Variants in XPOT observed in about 807,000 individuals in gnomAD.
XPOT encodes the protein exportin-T.
A neutral mutation model predicts 128.2 loss-of-function variants in XPOT; 34 were observed. That is an observed-to-expected ratio of 0.27 (90% CI 0.20 to 0.35). The LOEUF (loss-of-function observed/expected upper bound fraction) is 0.35. XPOT is among the 10% of genes least tolerant of loss of function. XPOT has a pLI of 1.00. For missense variants in XPOT, 838 were observed against 1,125.3 expected (o/e 0.74, Z 3.65); for synonymous variants, 348 against 394.3 (o/e 0.88, Z 1.39).
intron 10 of XPOT, 26 bp from the exon 11 acceptor site, chr12:64,423,154 ACT>A: frequency 6.3e-7 from 1 of 1,595,576 alleles, no homozygotes. Context: ...ACTGACAAAA[ACT>A]CTTTTATTCT....
intron 1 of XPOT, among the ~76,000 whole-genome samples, chr12:64,406,839 C>T (rs770112776): frequency 6.6e-6 from 1 of 152,062 alleles, no homozygotes; most frequent in Non-Finnish European, 1.5e-5. Context: ...GAACCAGTGC[C>T]TTTCTTTGTG....
chr12:64,439,829 A>G (rs886756014), intron 23 of XPOT, among the ~76,000 whole-genome samples: 1 of 152,226 alleles, frequency 6.6e-6, no homozygotes. Context: ...GTTTCTTGGC[A>G]TATAATTTTC....
chr12:64,440,876 A>G (rs528304021), intron 23 of XPOT, among the ~76,000 whole-genome samples: 2 of 152,284 alleles, frequency 1.3e-5, no homozygotes, highest in South Asian at 2.1e-4. Context: ...TGGTTTGCAA[A>G]TATTTTCTCC....
chr12:64,409,055 G>C (rs1405802964), intron 1 of XPOT, among the ~76,000 whole-genome samples: 4 of 151,424 alleles, frequency 2.6e-5, no homozygotes, highest in Non-Finnish European at 5.9e-5. Context: ...GCAGAGATCT[G>C]TAAAATGCAA....
chr12:64,429,034 AATG>A (rs2040215597), intron 16 of XPOT, among the ~76,000 whole-genome samples: 1 of 152,222 alleles, frequency 6.6e-6, no homozygotes, highest in Admixed American at 6.5e-5. Flanking sequence ...AAAAAACGGC[AATG>A]GGTCACTACA....
intron 15 of XPOT, among the ~76,000 whole-genome samples, chr12:64,426,814 C>A (rs2040196643): frequency 6.6e-6 from 1 of 152,114 alleles, no homozygotes; most frequent in Non-Finnish European, 1.5e-5. Flanking sequence ...GAAACCCGGT[C>A]TCTACTAAAA....
intron 6 of XPOT, among the ~76,000 whole-genome samples, chr12:64,419,436 G>C (rs572521509): frequency 6.6e-6 from 1 of 152,136 alleles, no homozygotes; most frequent in Admixed American, 6.5e-5. Context: ...TCCCACCTCA[G>C]CCTCCCTAGT....
At chr12:64,429,491 TGGA>T (rs1029903152) in intron 16 of XPOT, among the ~76,000 whole-genome samples, 3 of 151,876 alleles carry the variant, frequency 2.0e-5, no homozygotes, top group Non-Finnish European at 2.9e-5. Context: ...TCACCCAGGC[TGGA>T]GTGCAGTGGC....
At chr12:64,428,561 TA>T (rs911499263) in intron 16 of XPOT, among the ~76,000 whole-genome samples, 32 of 147,162 alleles carry the variant, frequency 2.2e-4, no homozygotes, top group South Asian at 2.1e-4. Flanking sequence ...AGGCTTAGGG[TA>T]AAAAAAAAAA....
At chr12:64,406,033 C>G (rs76968266) in intron 1 of XPOT, among the ~76,000 whole-genome samples, 3,041 of 152,318 alleles carry the variant, frequency 0.02, 90 homozygotes, top group African/African-American at 0.068. Context: ...AGGGCCACTT[C>G]ATTTTTCTCC....
chr12:64,422,902 CAA>C (rs201490602), intron 9 of XPOT, 101 bp from the exon 10 acceptor site: 16,071 of 848,506 alleles, frequency 0.019, no homozygotes, highest in South Asian at 0.027. Context: ...GACCTTGTCT[CAA>C]AAAAAAAAAA....
intron 23 of XPOT, 38 bp downstream of exon 23, chr12:64,439,353 C>G: frequency 6.4e-7 from 1 of 1,562,404 alleles, no homozygotes; most frequent in Non-Finnish European, 8.8e-7. Flanking sequence ...GGCGAGAGAT[C>G]ACAGTAGTAG....
At chr12:64,408,475 T>C (rs550243152) in intron 1 of XPOT, among the ~76,000 whole-genome samples, 3 of 152,310 alleles carry the variant, frequency 2.0e-5, no homozygotes, top group South Asian at 4.1e-4. Context: ...GAGAATAATA[T>C]CATTTTTCAC....
At chr12:64,444,822 AAAG>A (rs2040354908) in intron 23 of XPOT, among the ~76,000 whole-genome samples, 1 of 152,072 alleles carries the variant, frequency 6.6e-6, no homozygotes, top group African/African-American at 2.4e-5. Context: ...TTTTTTAAAA[AAAG>A]AGCTGGGCAC....
chr12:64,450,161 TTC>T lies in XPOT; in HGVS notation c.*2032_*2033del, dbSNP rs2040398885. ...AATAGTGTATCACTATACTTTTTTT[TTC>T]TTTTTTTTTTTTGAATAGAGATCAG... is the stretch of plus-strand genomic sequence containing the variant. On this transcript the variant is annotated 3_prime_UTR_variant, in exon 25 of 25. Transcript: ENST00000332707. 6.6e-6 allele frequency: 1 copy of T among 152,010 alleles called. No homozygotes were observed. The highest frequency in any genetic ancestry group is 6.6e-5 in the Admixed American group (1 of 15,240). The allele number at this position is 152,010 out of a possible 1,614,324, so 9.4% of individuals were successfully genotyped here. A position where few individuals can be genotyped will look rare whatever the true frequency, so the allele number is the denominator to read the frequency against.
intron 16 of XPOT, among the ~76,000 whole-genome samples, chr12:64,429,692 C>T (rs569919739): frequency 2.8e-4 from 42 of 152,284 alleles, no homozygotes; most frequent in African/African-American, 5.5e-4. Flanking sequence ...CTGCCGGCCT[C>T]GGCCTCCCAA....
intron 8 of XPOT, among the ~76,000 whole-genome samples, chr12:64,421,021 C>T (rs969710985): frequency 2.6e-5 from 4 of 152,132 alleles, no homozygotes; most frequent in Non-Finnish European, 5.9e-5. Context: ...AGGCTTGTCT[C>T]GAACTCTTGA....
rs1448983538 is a variant in XPOT at position 64,418,054 on chromosome 12, A to G, written c.209A>G (p.Glu70Gly). 2.5e-6 allele frequency: 4 copies of G among 1,612,950 alleles called. No individual in the cohort carries two copies. In the African/African-American group the frequency reaches 5.3e-5, roughly 22 times the overall value. ...TTCTCTATTTTGAACAGATACTCAG[A>G]ACTAACCACTGTTCAACAACAGCTA... ...LEHQVKYKYS[E>G]LTTVQQQLIR... Residue 70 changes from glutamate to glycine, a missense_variant, in exon 5 of 25, where the codon GAA (glutamate) becomes GGA (glycine). Coordinates refer to ENST00000332707, the MANE Select transcript of XPOT (RefSeq NM_007235.6).
chr12:64,429,776 A>C (rs1275387072), intron 16 of XPOT, among the ~76,000 whole-genome samples: 2 of 152,210 alleles, frequency 1.3e-5, no homozygotes, highest in South Asian at 4.1e-4. Context: ...TAAGATCTTT[A>C]CAAAAGAAAA....
Sources: allele counts gnomAD v4.1 joint callset (sites outside exome capture counted in the v4.1 genomes callset), GRCh38; gene constraint gnomAD v4.1.1; transcripts MANE v1.5; gene names NCBI Gene and HGNC (gene_info 2026-07-23, HGNC 2026-07-21).